Variants in GRXCR1 observed in about 807,000 individuals in gnomAD.
GRXCR1 encodes glutaredoxin domain-containing cysteine-rich protein 1.
GRXCR1 carries 27 observed loss-of-function variants against 27.3 expected under a neutral mutation model. The ratio of observed to expected loss-of-function variants is 0.99; its 90% CI spans 0.73 to 1.37. The LOEUF (loss-of-function observed/expected upper bound fraction) is 1.37, where lower values mean the gene tolerates loss of function less well. Among genes scored for constraint, GRXCR1 ranks in the 40% most tolerant of loss-of-function variants. The pLI is 0.00. For missense variants in GRXCR1, 379 were observed against 354.4 expected, an observed-to-expected ratio of 1.07 and a Z score of -0.56; for synonymous variants, 122 against 131.1, an observed-to-expected ratio of 0.93 and a Z score of 0.47.
chr4:42,998,126 C>T (rs536761387), intron 2 of GRXCR1, among the ~76,000 whole-genome samples: 11 of 152,210 alleles, frequency 7.2e-5, no homozygotes, highest in Non-Finnish European at 1.0e-4. Context: ...CTGGGTGAGC[C>T]TCATTTCACA....
At position 42,940,787 on chromosome 4, in the gene GRXCR1, T is replaced by G. The variant is rs150759872; in HGVS notation, c.385-22105T>G. Among the ~76,000 whole-genome samples, 192 of 152,208 alleles carry G rather than the reference T, an allele frequency of 1.3e-3. 1 individual carries two copies. The highest frequency in any genetic ancestry group is 4.5e-3 in the African/African-American group (185 of 41,572). On this transcript the variant is annotated intron_variant, in intron 1 of 3. Transcript: ENST00000399770. ...ACTCTCGTTTTTGCTCTAGGGCTTATAATTACAATTTGTCCTCTAAGCATA... is the reference window on the plus strand; with the variant it reads ...ACTCTCGTTTTTGCTCTAGGGCTTAGAATTACAATTTGTCCTCTAAGCATA...
chr4:43,017,605 C>A (rs1478072136), intron 2 of GRXCR1, among the ~76,000 whole-genome samples: 1 of 152,028 alleles, frequency 6.6e-6, no homozygotes, highest in Non-Finnish European at 1.5e-5. Flanking sequence ...AAGAAAAAAT[C>A]GATTCTGAAC....
intron 1 of GRXCR1, among the ~76,000 whole-genome samples, chr4:42,939,800 T>G (rs1215633734): frequency 3.9e-5 from 6 of 152,110 alleles, no homozygotes; most frequent in African/African-American, 1.4e-4. Context: ...TTTTGATGAG[T>G]CTGGGTCTCT....
At chr4:43,015,835 A>C (rs1712915022) in intron 2 of GRXCR1, among the ~76,000 whole-genome samples, 1 of 151,738 alleles carries the variant, frequency 6.6e-6, no homozygotes, top group South Asian at 2.1e-4. Flanking sequence ...ATATACATTA[A>C]AATTTATATT....
At chr4:43,024,850 G>A (rs1332493912) in intron 3 of GRXCR1, among the ~76,000 whole-genome samples, 1 of 152,138 alleles carries the variant, frequency 6.6e-6, no homozygotes, top group African/African-American at 2.4e-5. Flanking sequence ...ATAATGCCAA[G>A]CGTGTACTCT....
intron 1 of GRXCR1, among the ~76,000 whole-genome samples, chr4:42,920,987 C>A (rs1479678839): frequency 3.9e-5 from 6 of 152,000 alleles, no homozygotes; most frequent in Admixed American, 3.9e-4. Context: ...ATGAGCTTTC[C>A]ACACAGGCTC....
intron 1 of GRXCR1, among the ~76,000 whole-genome samples, chr4:42,918,693 A>G (rs1294130055): frequency 6.6e-6 from 1 of 152,064 alleles, no homozygotes; most frequent in African/African-American, 2.4e-5. Context: ...TTTCCCAATA[A>G]GCATCTAAGT....
intron 1 of GRXCR1, among the ~76,000 whole-genome samples, chr4:42,926,494 G>T (rs1542267): frequency 0.29 from 43,151 of 150,494 alleles, 6,661 homozygotes; most frequent in African/African-American, 0.42. Flanking sequence ...TGGGAATACT[G>T]TTTTTTTTTT....
At chr4:42,961,823 A>G (rs1194216086) in intron 1 of GRXCR1, among the ~76,000 whole-genome samples, 1 of 151,986 alleles carries the variant, frequency 6.6e-6, no homozygotes, top group African/African-American at 2.4e-5. Context: ...CTCTGCGTAC[A>G]AAGTGGTGGA....
intron 1 of GRXCR1, among the ~76,000 whole-genome samples, chr4:42,948,411 T>A (rs1747797789): frequency 6.6e-6 from 1 of 152,170 alleles, no homozygotes; most frequent in Non-Finnish European, 1.5e-5. Flanking sequence ...TACACACAAG[T>A]GATTGTATCA....
intron 1 of GRXCR1, among the ~76,000 whole-genome samples, chr4:42,911,210 T>C (rs1361548719): frequency 6.6e-6 from 1 of 152,166 alleles, no homozygotes; most frequent in African/African-American, 2.4e-5. Context: ...TAAGCTGGTA[T>C]ATTACAAAAA....
At position 42,990,173 on chromosome 4, in the gene GRXCR1, C is replaced by CTTTTTTTTT. The variant is rs745784596; in HGVS notation, c.627+27067_627+27075dup. Reference sequence around the variant, plus strand: ...AACTTCTTGAATTGAATTATTAGTTCTTTTTTTTTTTTTTTTTTTTTTTTT... The same window carrying CTTTTTTTTT: ...AACTTCTTGAATTGAATTATTAGTTCTTTTTTTTTTTTTTTTTTTTTTTTTTTTTTTTTT... On this transcript the variant is annotated intron_variant, in intron 2 of 3. Coordinates refer to ENST00000399770, the MANE Select transcript of GRXCR1 (RefSeq NM_001080476.3). Among the ~76,000 whole-genome samples the CTTTTTTTTT allele has an allele frequency of 1.1e-3, 51 of 46,230 alleles. 22 individuals are homozygous for CTTTTTTTTT. The highest frequency in any genetic ancestry group is 1.5e-3 in the African/African-American group (18 of 11,894). The allele number at this position is 46,230 out of a possible 152,430, so 30.3% of individuals were successfully genotyped here.
At chr4:42,958,826 A>T (rs1748067421) in intron 1 of GRXCR1, among the ~76,000 whole-genome samples, 1 of 151,972 alleles carries the variant, frequency 6.6e-6, no homozygotes, top group African/African-American at 2.4e-5. Context: ...GCTCAACATC[A>T]ATAATATGGA....
chr4:42,969,418 A>C (rs987495589), intron 2 of GRXCR1, among the ~76,000 whole-genome samples: 1 of 152,150 alleles, frequency 6.6e-6, no homozygotes, highest in African/African-American at 2.4e-5. Flanking sequence ...CTTAACAGGA[A>C]GCACAGTTGG....
chr4:42,906,754 G>A (rs1344600388), intron 1 of GRXCR1, among the ~76,000 whole-genome samples: 1 of 152,050 alleles, frequency 6.6e-6, no homozygotes, highest in African/African-American at 2.4e-5. Context: ...ACTATCGCAG[G>A]TGCCTCTCTT....
intron 1 of GRXCR1, among the ~76,000 whole-genome samples, chr4:42,905,721 T>C (rs754788707): frequency 6.6e-6 from 1 of 152,140 alleles, no homozygotes; most frequent in Non-Finnish European, 1.5e-5. Flanking sequence ...GTGTGCCTCT[T>C]TTATCAGAAA....
intron 1 of GRXCR1, among the ~76,000 whole-genome samples, chr4:42,940,892 G>A (rs187221326): frequency 2.6e-5 from 4 of 151,998 alleles, no homozygotes; most frequent in Non-Finnish European, 4.4e-5. Context: ...AAATAATGTT[G>A]CCATATAAAA....
intron 1 of GRXCR1, among the ~76,000 whole-genome samples, chr4:42,926,315 C>G (rs1012221447): frequency 6.6e-5 from 10 of 151,908 alleles, no homozygotes; most frequent in African/African-American, 1.9e-4. Context: ...AATGTTAGCT[C>G]CATATGAGCA....
In GRXCR1 at chr4:42,901,151, T is replaced by C. The variant is rs1045140693; in HGVS notation, c.384+7501T>C. On this transcript the variant is annotated intron_variant, in intron 1 of 3. Transcript: ENST00000399770. ...TCATTGGCATCCACATTAATCATGC[T>C]GGTTATGTGAAAAATAAAGCCTGCG... is the stretch of plus-strand genomic sequence containing the variant. Among the ~76,000 whole-genome samples, 7 of 152,164 alleles carry C rather than the reference T, an allele frequency of 4.6e-5. No individual in the cohort carries two copies. The South Asian group carries it at 6.2e-4, about 14-fold the overall frequency.
Sources: gnomAD v4.1 joint callset for allele counts (sites outside exome capture counted in the v4.1 genomes callset) on GRCh38, gnomAD v4.1.1 for gene constraint, MANE v1.5 for transcripts, NCBI Gene and HGNC (gene_info 2026-07-23, HGNC 2026-07-21) for gene names.